Variants in ADHFE1 observed in about 807,000 individuals in gnomAD.
The protein encoded by ADHFE1 is alcohol dehydrogenase iron containing 1.
A neutral mutation model predicts 54.8 loss-of-function variants in ADHFE1; 37 were observed. The ratio of observed to expected loss-of-function variants is 0.68; its 90% CI spans 0.52 to 0.89. The LOEUF (loss-of-function observed/expected upper bound fraction) is 0.89. Among genes scored for constraint, ADHFE1 ranks in the 40% least tolerant of loss-of-function variants. The pLI, the probability that ADHFE1 is intolerant of heterozygous loss-of-function variation, is 0.00. For synonymous variants in ADHFE1, 203 were observed against 229.3 expected (o/e 0.89, Z 1.04); for missense variants, 601 against 591.2 (o/e 1.02, Z -0.17).
intron 9 of ADHFE1, 56 bp from the exon 10 acceptor site, chr8:66,454,003 T>A: frequency 6.3e-7 from 1 of 1,598,750 alleles, no homozygotes; most frequent in Non-Finnish European, 8.5e-7. Flanking sequence ...AGCTCCTTAT[T>A]CTGTAGGAAT....
intron 13 of ADHFE1, among the ~76,000 whole-genome samples, chr8:66,463,653 G>C (rs1183158720): frequency 1.3e-5 from 2 of 152,116 alleles, no homozygotes; most frequent in African/African-American, 2.4e-5. Flanking sequence ...GGAATGCTGT[G>C]GCCACTTCAG....
chr8:66,458,349 G>A (rs1179519872), intron 12 of ADHFE1, among the ~76,000 whole-genome samples: 1 of 152,196 alleles, frequency 6.6e-6, no homozygotes, highest in Non-Finnish European at 1.5e-5. Flanking sequence ...GTGCTGTGCT[G>A]GGAATGTTAA....
intron 12 of ADHFE1, among the ~76,000 whole-genome samples, chr8:66,457,673 T>A (rs1029940072): frequency 1.4e-4 from 21 of 152,226 alleles, no homozygotes; most frequent in African/African-American, 4.8e-4. Context: ...AAAACATTTT[T>A]AAAATATAAA....
intron 10 of ADHFE1, among the ~76,000 whole-genome samples, 155 bp from the exon 11 acceptor site, chr8:66,456,662 T>C (rs1806602651): frequency 6.6e-6 from 1 of 152,250 alleles, no homozygotes; most frequent in African/African-American, 2.4e-5. Context: ...GACATCATAA[T>C]ATATCCTTAT....
chr8:66,444,521 A>G (rs1563488521), intron 4 of ADHFE1, 73 bp from the exon 5 acceptor site: 3 of 1,608,070 alleles, frequency 1.9e-6, no homozygotes, highest in Non-Finnish European at 2.6e-6. Flanking sequence ...TTAAAAATGT[A>G]CAACGTGAGT....
chr8:66,441,497 A>G (rs1242492079), intron 2 of ADHFE1, among the ~76,000 whole-genome samples: 1 of 152,160 alleles, frequency 6.6e-6, no homozygotes, highest in Non-Finnish European at 1.5e-5. Context: ...TCCACTTCTG[A>G]TCTATTTTCC....
chr8:66,447,899 A>G (rs1324013962), intron 7 of ADHFE1, among the ~76,000 whole-genome samples: 2 of 152,198 alleles, frequency 1.3e-5, no homozygotes, highest in African/African-American at 4.8e-5. Flanking sequence ...TTTTAAATCA[A>G]TTTTATTGAG....
At chr8:66,454,863 A>G (rs555293761) in intron 10 of ADHFE1, among the ~76,000 whole-genome samples, 1 of 152,114 alleles carries the variant, frequency 6.6e-6, no homozygotes, top group South Asian at 2.1e-4. Flanking sequence ...ACAGATGTGC[A>G]CCACCATGCC....
chr8:66,451,842 A>G (rs1385081475), intron 8 of ADHFE1, 111 bp from the exon 9 acceptor site: 1 of 1,258,600 alleles, frequency 7.9e-7, no homozygotes, highest in African/African-American at 1.5e-5. Context: ...GTTAGATAAT[A>G]TATCCACTGT....
Position 66,434,447 on chromosome 8 carries a change from G to A in ADHFE1, c.59+1872G>A, listed in dbSNP as rs150376125. Among the ~76,000 whole-genome samples, 30 of 152,340 alleles carry A rather than the reference G, an allele frequency of 2.0e-4. No individual in the cohort carries two copies. In the East Asian group the frequency reaches 5.8e-3, roughly 29 times the overall value. ...AACCTAGAAGGAAACAGCTGAGGGT[G>A]AATTCCTGGGGAGCAGCACTGCCAC... On this transcript the variant is annotated intron_variant, in intron 1 of 13. Transcript: ENST00000396623.
At chr8:66,465,805 G>A (rs1807146364) in intron 13 of ADHFE1, among the ~76,000 whole-genome samples, 1 of 151,812 alleles carries the variant, frequency 6.6e-6, no homozygotes, top group Admixed American at 6.6e-5. Flanking sequence ...TCACTGTGTT[G>A]GCCAGGATGG....
At position 66,439,111 on chromosome 8, in the gene ADHFE1, C is replaced by T; in HGVS notation, c.60-1051C>T. The T allele has an allele frequency of 3.4e-6, 3 of 882,770 alleles. No homozygotes were observed. The highest frequency in any genetic ancestry group is 4.1e-6 in the Non-Finnish European group (3 of 736,454). 54.7% of individuals were successfully genotyped at this position (882,770 alleles called of 1,614,324 possible). On this transcript the variant is annotated intron_variant, in intron 1 of 13. Coordinates refer to ENST00000396623, the MANE Select transcript of ADHFE1 (RefSeq NM_144650.3). This position sits in a 1 kb window ranked among gnomAD's most constrained non-coding sequence, Gnocchi z 4.4. ...CACTAGATGGCAGCCGCGACTCGCGCCAGCTCTCACTCGCCCCCGCGTCTG... is the reference window on the plus strand; with the variant it reads ...CACTAGATGGCAGCCGCGACTCGCGTCAGCTCTCACTCGCCCCCGCGTCTG...
chr8:66,447,470 G>A, intron 7 of ADHFE1, 129 bp downstream of exon 7: 1 of 739,444 alleles, frequency 1.4e-6, no homozygotes, highest in Admixed American at 3.0e-5. Flanking sequence ...AGAAGAGCAA[G>A]GTGACGAAAG....
chr8:66,452,383 C>T (rs548723586), intron 9 of ADHFE1, among the ~76,000 whole-genome samples: 55 of 152,212 alleles, frequency 3.6e-4, no homozygotes, highest in Non-Finnish European at 6.8e-4. Flanking sequence ...GATTTGGCTC[C>T]CCAGGGCAGA....
chr8:66,448,744 A>G (rs1806156031), intron 7 of ADHFE1, 121 bp from the exon 8 acceptor site: 1 of 917,456 alleles, frequency 1.1e-6, no homozygotes. Context: ...CTGCCTCACT[A>G]CATGAAAATG....
At position 66,468,326 on chromosome 8, in the gene ADHFE1, T is replaced by C; in HGVS notation, c.1378T>C (p.Phe460Leu). The C allele has an allele frequency of 6.2e-7, 1 of 1,613,422 alleles. No individual in the cohort carries two copies. The highest frequency in any genetic ancestry group is 8.5e-7 in the Non-Finnish European group (1 of 1,179,592). ...PQSEEDLAAL[F>L]EASMKLY ...GTCAGAAGAGGATCTGGCTGCTCTG[T>C]TTGAAGCTTCAATGAAACTGTATTA... Residue 460 changes from phenylalanine (F) to leucine (L), a missense_variant, in exon 14 of 14, where the codon TTT becomes CTT. Coordinates refer to ENST00000396623, the MANE Select transcript of ADHFE1 (RefSeq NM_144650.3).
In ADHFE1 at chr8:66,459,431, T is replaced by TATATATATATATATATATATATA. The variant is rs60104059; in HGVS notation, c.1163-877_1163-876insATATATATATATATATATATATA. Reference sequence around the variant, plus strand: ...TTTATTATATATATATATATATATATTTTTTTTTTTTTTTTAACAGAGACA... The same window carrying TATATATATATATATATATATATA: ...TTTATTATATATATATATATATATATATATATATATATATATATATATATTTTTTTTTTTTTTTAACAGAGACA... On this transcript the variant is annotated intron_variant, in intron 12 of 13. Coordinates refer to ENST00000396623, the MANE Select transcript of ADHFE1 (RefSeq NM_144650.3). 3.1e-5 allele frequency: 3 copies of TATATATATATATATATATATATA among 95,584 alleles called. No individual in the cohort carries two copies. In the Admixed American group the frequency reaches 3.3e-4, roughly 11 times the overall value. The allele number at this position is 95,584 out of a possible 1,614,324, so 5.9% of individuals were successfully genotyped here.
At chr8:66,458,001 G>A (rs924576214) in intron 12 of ADHFE1, among the ~76,000 whole-genome samples, 1 of 152,084 alleles carries the variant, frequency 6.6e-6, no homozygotes, top group African/African-American at 2.4e-5. Flanking sequence ...CCTGAAAGAG[G>A]AGTCTGTTTG....
At chr8:66,444,285 C>G (rs1331288756) in intron 3 of ADHFE1, 82 bp from the exon 4 acceptor site, 1 of 1,345,838 alleles carries the variant, frequency 7.4e-7, no homozygotes, top group East Asian at 2.3e-5. Flanking sequence ...CTCTAGGCAA[C>G]AAGAAACCAT....
Sources: allele counts gnomAD v4.1 joint callset (sites outside exome capture counted in the v4.1 genomes callset), GRCh38; gene constraint gnomAD v4.1.1; non-coding constraint Gnocchi (gnomAD v3.1); transcripts MANE v1.5; gene names NCBI Gene and HGNC (gene_info 2026-07-23, HGNC 2026-07-21).